TEPSIN: variants seen among roughly 807,000 people sequenced by gnomAD.
TEPSIN encodes the protein AP-4 complex accessory subunit tepsin.
In TEPSIN, 50 loss-of-function variants were observed where a neutral mutation model predicts 48.5. The ratio of observed to expected loss-of-function variants is 1.03; its 90% CI spans 0.82 to 1.31. The LOEUF is 1.31. Ranked by LOEUF, TEPSIN falls within the 50% of genes most tolerant of loss-of-function variation. TEPSIN has a pLI of 0.00. For missense variants in TEPSIN, 838 were observed against 815.9 expected (o/e 1.03, Z -0.33); for synonymous variants, 392 against 358.8 (o/e 1.09, Z -1.05).
Position 81,233,656 on chromosome 17 carries a change from C to T in TEPSIN, c.436G>A (p.Gly146Arg). 1 of 1,601,432 alleles carries T rather than the reference C, an allele frequency of 6.2e-7. No homozygotes were observed. The highest frequency in any genetic ancestry group is 2.3e-5 in the East Asian group (1 of 44,312). Residue 146 changes from glycine (G) to arginine (R), a missense_variant, in exon 6 of 13, where the codon GGG becomes AGG. Gly to Arg is a moderately radical substitution (Grantham distance 125). Coordinates refer to ENST00000637944, the MANE Select transcript of TEPSIN (RefSeq NM_001363764.2). The surrounding 1 kb of genome is among the most constrained non-coding windows in gnomAD (Gnocchi z 5.8). ...VLPLAPSQPLGTPPATGMGSQ... is the reference protein window; with the variant it reads ...VLPLAPSQPLRTPPATGMGSQ... ...CACCTACCTGTGGCAGGCGGGGTCC[C>T]CAGAGGCTGGGAGGGAGCCAGCGGC... is the stretch of plus-strand genomic sequence containing the variant.
rs752597291 is a variant in TEPSIN, at chr17:81,229,182, T to C, written c.1528A>G (p.Arg510Gly). The C allele has an allele frequency of 1.9e-6, 3 of 1,595,964 alleles. No individual in the cohort carries two copies. In the Admixed American group the frequency reaches 5.1e-5, roughly 27 times the overall value. ...GGGATCCGTTCAGGTCTCCACCGCCTGCTTTCTGCCAGTCTGGCCTCGGCC... is the reference window on the plus strand; with the variant it reads ...GGGATCCGTTCAGGTCTCCACCGCCCGCTTTCTGCCAGTCTGGCCTCGGCC... ...SEAEARLAES[R>G]RWRPERIPGG... The change falls in exon 13 of 13, where the codon AGG (arginine) becomes GGG (glycine). Residue 510 changes from arginine (R) to glycine (G), a missense_variant. By Grantham distance (125) the Arg-to-Gly change is moderately radical. Transcript: ENST00000637944.
chr17:81,229,210 G>C lies in TEPSIN; in HGVS notation c.1500C>G (p.Ser500Arg). The C allele has an allele frequency of 1.2e-6, 2 of 1,606,262 alleles. No homozygotes were observed. The highest frequency in any genetic ancestry group is 2.2e-5 in the South Asian group (2 of 90,242). The change falls in exon 13 of 13, where the codon AGC (serine) becomes AGG (arginine). Residue 500 changes from serine (S) to arginine (R), a missense_variant. Coordinates refer to ENST00000637944, the MANE Select transcript of TEPSIN (RefSeq NM_001363764.2). ...TTTCTGCCAGTCTGGCCTCGGCCTC[G>C]CTGGGGTCTCCGGGGGCTGGAATGG... ...ASPIPAPGDPSEAEARLAESR... is the reference protein window; with the variant it reads ...ASPIPAPGDPREAEARLAESR...
At chr17:81,229,659 C>A in intron 12 of TEPSIN, 183 bp from the exon 13 acceptor site, 2 of 650,516 alleles carry the variant, frequency 3.1e-6, no homozygotes, top group South Asian at 3.6e-5. Context: ...CCACCGAGAG[C>A]AGCTGCTGGG....
At position 81,233,044 on chromosome 17, in the gene TEPSIN, T is replaced by C; in HGVS notation, c.526+388A>G. 3.5e-6 allele frequency: 1 copy of C among 282,560 alleles called. No individual in the cohort carries two copies. Among genetic ancestry groups the C allele is most frequent in the South Asian group, 5.4e-5 (1 of 18,396 alleles). The allele number at this position is 282,560 out of a possible 1,614,324, so 17.5% of individuals were successfully genotyped here. The stretch of plus-strand genomic sequence containing the variant: ...GCAGTGGTGCCACCTGTGGCTCTCC[T>C]GGCGCTGGTGAGCAGTTGTCCACTG... On this transcript the variant is annotated intron_variant, in intron 7 of 12. Coordinates refer to ENST00000637944, the MANE Select transcript of TEPSIN (RefSeq NM_001363764.2). The surrounding 1 kb of genome is among the most constrained non-coding windows in gnomAD (Gnocchi z 5.8).
At position 81,230,279 on chromosome 17, in the gene TEPSIN, G is replaced by A. The variant is rs564633351; in HGVS notation, c.1233+265C>T. On this transcript the variant is annotated intron_variant, in intron 12 of 12. Coordinates refer to ENST00000637944, the MANE Select transcript of TEPSIN (RefSeq NM_001363764.2). The surrounding 1 kb of genome is among the most constrained non-coding windows in gnomAD (Gnocchi z 4.2). ...CAAGACACAAGGGCAGGAACATTAAGGCAGCGGAGTCTGGGGGCTTCCAGG... is the reference window on the plus strand; with the variant it reads ...CAAGACACAAGGGCAGGAACATTAAAGCAGCGGAGTCTGGGGGCTTCCAGG... The A allele has an allele frequency of 8.1e-5, 40 of 494,616 alleles. No individual in the cohort carries two copies. The South Asian group carries it at 1.0e-3, about 12-fold the overall frequency. 30.6% of individuals were successfully genotyped at this position (494,616 alleles called of 1,614,324 possible). A position where few individuals can be genotyped will look rare whatever the true frequency, so the allele number is the denominator to read the frequency against.
intron 12 of TEPSIN, chr17:81,229,783 G>A: frequency 2.3e-6 from 1 of 437,938 alleles, no homozygotes. Flanking sequence ...CACTGCCGGA[G>A]GGAGTGAACA....
In TEPSIN at chr17:81,230,262, A is replaced by C. The variant is rs546340859; in HGVS notation, c.1233+282T>G. Reference sequence around the variant, plus strand: ...AGAGGTAAGTGTGAGGCCAAGACACAAGGGCAGGAACATTAAGGCAGCGGA... The same window carrying C: ...AGAGGTAAGTGTGAGGCCAAGACACCAGGGCAGGAACATTAAGGCAGCGGA... On this transcript the variant is annotated intron_variant, in intron 12 of 12. Coordinates refer to ENST00000637944, the MANE Select transcript of TEPSIN (RefSeq NM_001363764.2). The surrounding 1 kb of genome is among the most constrained non-coding windows in gnomAD (Gnocchi z 4.2). 8 of 462,766 alleles carry C rather than the reference A, an allele frequency of 1.7e-5. No individual in the cohort carries two copies. Among genetic ancestry groups the C allele is most frequent in the Middle Eastern group, 5.7e-4 (1 of 1,744 alleles). 28.7% of individuals were successfully genotyped at this position (462,766 alleles called of 1,614,324 possible). A position where few individuals can be genotyped will look rare whatever the true frequency, so the allele number is the denominator to read the frequency against.
rs528035386 is a variant in TEPSIN at position 81,230,037 on chromosome 17, C to T, written c.1233+507G>A. 222 of 169,210 alleles carry T rather than the reference C, an allele frequency of 1.3e-3. 4 individuals carry two copies. In the South Asian group the frequency reaches 0.018, roughly 14 times the overall value. 10.5% of individuals were successfully genotyped at this position (169,210 alleles called of 1,614,324 possible). The stretch of plus-strand genomic sequence containing the variant: ...AACAGGAAGAAAGAAGCTGGGAATG[C>T]CCACAGGCAGAGGGAAGGTGCCAGG... On this transcript the variant is annotated intron_variant, in intron 12 of 12. Transcript: ENST00000637944. The surrounding 1 kb of genome is among the most constrained non-coding windows in gnomAD (Gnocchi z 4.2).
rs764290075 is a variant in TEPSIN, at chr17:81,229,024, A to T, written c.1686T>A (p.Pro562=). 6.0e-5 allele frequency: 96 copies of T among 1,613,174 alleles called. No individual in the cohort carries two copies. Among genetic ancestry groups the T allele is most frequent in the Non-Finnish European group, 7.5e-5 (88 of 1,179,914 alleles). ...ATGTTTGGGGGGCGCGGGGAGCATC[A>T]GGACAGGACTCTCCCGCAGCAGCCC... is the stretch of plus-strand genomic sequence containing the variant. ...GAGAAAGESC[P]DAPRAPQTSS... is the part of the protein sequence containing the mutation. The change falls in exon 13 of 13, where the codon CCT becomes CCA. Residue 562 remains proline, a synonymous_variant. Transcript: ENST00000637944.
At position 81,233,099 on chromosome 17, in the gene TEPSIN, C is replaced by A; in HGVS notation, c.526+333G>T. On this transcript the variant is annotated intron_variant, in intron 7 of 12. Coordinates refer to ENST00000637944, the MANE Select transcript of TEPSIN (RefSeq NM_001363764.2). The surrounding 1 kb of genome is among the most constrained non-coding windows in gnomAD (Gnocchi z 5.8). ...TGCCCCACCTCATAACAGCTCCACA[C>A]GGGACTGCCTGAGTCACCTGCACCA... The A allele has an allele frequency of 9.3e-6, 4 of 430,996 alleles. No individual in the cohort carries two copies. Among genetic ancestry groups the A allele is most frequent in the Non-Finnish European group, 1.7e-5 (4 of 238,752 alleles). The allele number at this position is 430,996 out of a possible 1,614,324, so 26.7% of individuals were successfully genotyped here. A position where few individuals can be genotyped will look rare whatever the true frequency, so the allele number is the denominator to read the frequency against.
In TEPSIN at chr17:81,229,043, G is replaced by C. The variant is rs1567897611; in HGVS notation, c.1667C>G (p.Ala556Gly). The C allele has an allele frequency of 6.2e-7, 1 of 1,613,324 alleles. No individual in the cohort carries two copies. Among genetic ancestry groups the C allele is most frequent in the South Asian group, 1.1e-5 (1 of 91,068 alleles). The change falls in exon 13 of 13, where the codon GCT becomes GGT. Residue 556 changes from alanine to glycine, a missense_variant. Transcript: ENST00000637944. ...AGCATCAGGACAGGACTCTCCCGCA[G>C]CAGCCCCAGCCCCCACCAGGCGGGG... ...ACPRLVGAGA[A>G]AGESCPDAPR...
intron 11 of TEPSIN, 27 bp downstream of exon 11, chr17:81,231,371 G>T: frequency 2.6e-6 from 4 of 1,518,450 alleles, no homozygotes; most frequent in Non-Finnish European, 3.5e-6. Flanking sequence ...ACACAGTCAC[G>T]CCCTCCCGCC....
At position 81,229,090 on chromosome 17, in the gene TEPSIN, A is replaced by G. The variant is rs1217205880; in HGVS notation, c.1620T>C (p.Ala540=). The G allele has an allele frequency of 6.2e-7, 1 of 1,613,464 alleles. No homozygotes were observed. The highest frequency in any genetic ancestry group is 8.5e-7 in the Non-Finnish European group (1 of 1,179,968). ...GGGGACAGGCCACCAGCTCCATGCC[A>G]GCAAACAAGGAGTCGCGGCTCCACG... ...SCAWSRDSLF[A]GMELVACPRL... Residue 540 remains alanine (A), a synonymous_variant, in exon 13 of 13, where the codon GCT becomes GCC. Transcript: ENST00000637944.
At chr17:81,235,624 G>A (rs972764648) in intron 4 of TEPSIN, among the ~76,000 whole-genome samples, 9 of 152,154 alleles carry the variant, frequency 5.9e-5, no homozygotes, top group Admixed American at 2.0e-4. Context: ...GCGTGTCCCC[G>A]AGACCACTGA....
chr17:81,230,661 G>T lies in TEPSIN; in HGVS notation c.1116C>A (p.Ile372=). 6.4e-6 allele frequency: 10 copies of T among 1,570,232 alleles called. No individual in the cohort carries two copies. The highest frequency in any genetic ancestry group is 7.8e-6 in the Non-Finnish European group (9 of 1,156,504). ...GGAGGTCGCTGCTCCCCAGGGAGGC[G>T]ATGGCACACAGCGCCCTCTGCGGGT... The part of the protein sequence containing the change: ...ECTQLRALCA[I]ASLGSSDLLP... The change falls in exon 12 of 13, where the codon ATC becomes ATA. Residue 372 remains isoleucine, a synonymous_variant. Coordinates refer to ENST00000637944, the MANE Select transcript of TEPSIN (RefSeq NM_001363764.2). The surrounding 1 kb of genome is among the most constrained non-coding windows in gnomAD (Gnocchi z 4.2).
At position 81,237,040 on chromosome 17, in the gene TEPSIN, C is replaced by T; in HGVS notation, c.153G>A (p.Gln51=). ...GGCTCAGGAGGTACTCCAGCAGGCA[C>T]TGGCTGCTGCCCGGAGACTCGTGGG... ...KISHESPGSS[Q]CLLEYLLSRL... The change falls in exon 3 of 13, where the codon CAG becomes CAA. Residue 51 remains glutamine (Q), a synonymous_variant. Coordinates refer to ENST00000637944, the MANE Select transcript of TEPSIN (RefSeq NM_001363764.2). 6.3e-7 allele frequency: 1 copy of T among 1,597,856 alleles called. No homozygotes were observed. The highest frequency in any genetic ancestry group is 8.5e-7 in the Non-Finnish European group (1 of 1,172,714).
Position 81,229,169 on chromosome 17 carries a change from G to C in TEPSIN, c.1541C>G (p.Pro514Arg). The C allele has an allele frequency of 1.2e-6, 2 of 1,612,124 alleles. No individual in the cohort carries two copies. Among genetic ancestry groups the C allele is most frequent in the Non-Finnish European group, 1.7e-6 (2 of 1,179,582 alleles). Residue 514 changes from proline to arginine, a missense_variant, in exon 13 of 13, where the codon CCT becomes CGT. By Grantham distance (103) the Pro-to-Arg change is moderately radical. Coordinates refer to ENST00000637944, the MANE Select transcript of TEPSIN (RefSeq NM_001363764.2). ...ARLAESRRWR[P>R]ERIPGGTDSP... Reference sequence around the variant, plus strand: ...GTCCGTGCCCCCTGGGATCCGTTCAGGTCTCCACCGCCTGCTTTCTGCCAG... The same window carrying C: ...GTCCGTGCCCCCTGGGATCCGTTCACGTCTCCACCGCCTGCTTTCTGCCAG...
Position 81,233,801 on chromosome 17 carries a change from C to T in TEPSIN, c.376-85G>A. The T allele has an allele frequency of 7.0e-7, 1 of 1,435,022 alleles. No homozygotes were observed. The highest frequency in any genetic ancestry group is 9.4e-7 in the Non-Finnish European group (1 of 1,068,188). The allele number at this position is 1,435,022 out of a possible 1,614,324, so 88.9% of individuals were successfully genotyped here. ...GCCACCCATATCAGCTCCGTTCTGT[C>T]CCCCGGACACTTCTCCTGAGCCACT... On this transcript the variant is annotated intron_variant, in intron 5 of 12. Transcript: ENST00000637944. The surrounding 1 kb of genome is among the most constrained non-coding windows in gnomAD (Gnocchi z 5.8).
chr17:81,237,357 C>G, intron 2 of TEPSIN, 30 bp downstream of exon 2: 1 of 1,605,160 alleles, frequency 6.2e-7, no homozygotes, highest in Non-Finnish European at 8.5e-7. Flanking sequence ...TCCGCTCTTT[C>G]CACTACACGG....
Sources: allele counts gnomAD v4.1 joint callset (sites outside exome capture counted in the v4.1 genomes callset), GRCh38; gene constraint gnomAD v4.1.1; non-coding constraint Gnocchi (gnomAD v3.1); transcripts MANE v1.5; gene names NCBI Gene and HGNC (gene_info 2026-07-23, HGNC 2026-07-21).